Variants in NDUFAF7 observed in about 807,000 individuals in gnomAD.
NDUFAF7 encodes NADH:ubiquinone oxidoreductase complex assembly factor 7.
In NDUFAF7, 48 loss-of-function variants were observed where a neutral mutation model predicts 47.2. The observed-to-expected ratio is 1.02, with a 90% CI of 0.81 to 1.29. The LOEUF is 1.29. Among genes scored for constraint, NDUFAF7 ranks in the 50% most tolerant of loss-of-function variants. The pLI, the probability that NDUFAF7 is intolerant of heterozygous loss-of-function variation, is 0.00. For missense variants in NDUFAF7, 635 were observed against 537.6 expected (o/e 1.18, Z -1.79); for synonymous variants, 217 against 190.0 (o/e 1.14, Z -1.17).
At chr2:37,244,208 G>A (rs1247175141) in intron 7 of NDUFAF7, among the ~76,000 whole-genome samples, 1 of 152,070 alleles carries the variant, frequency 6.6e-6, no homozygotes, top group Admixed American at 6.6e-5. Flanking sequence ...GTAAGTAACC[G>A]CTTACTCAGC....
chr2:37,264,515 G>T, the NDUFAF7 span, among the ~76,000 whole-genome samples: 1 of 149,132 alleles, frequency 6.7e-6, no homozygotes, highest in South Asian at 2.2e-4. Context: ...TAAGGTAGGG[G>T]AGTGGAGGGG....
chr2:37,268,276 A>G, the NDUFAF7 span: 1 of 469,498 alleles, frequency 2.1e-6, no homozygotes, highest in Non-Finnish European at 4.4e-6. Context: ...AAATGTGTGC[A>G]TTTTTGGTAA....
At chr2:37,265,014 C>T in the NDUFAF7 span, among the ~76,000 whole-genome samples, 8 of 152,024 alleles carry the variant, frequency 5.3e-5, no homozygotes, top group African/African-American at 7.3e-5. Context: ...TAATAATATG[C>T]GCAATCTTCA....
chr2:37,235,646 ATTTATTTAT>A (rs1665674370), intron 2 of NDUFAF7, among the ~76,000 whole-genome samples: 1 of 60,704 alleles, frequency 1.6e-5, no homozygotes, highest in South Asian at 3.7e-4. Context: ...TTGCTTATTT[ATTTATTTAT>A]TTATTTATTT....
At chr2:37,261,938 C>G in the NDUFAF7 span, among the ~76,000 whole-genome samples, 2 of 151,968 alleles carry the variant, frequency 1.3e-5, no homozygotes, top group African/African-American at 2.4e-5. Context: ...TCATAAATTA[C>G]ATAAGATATT....
downstream of NDUFAF7, chr2:37,251,646 G>A (rs1410762530): frequency 6.6e-6 from 1 of 151,422 alleles, no homozygotes; most frequent in Non-Finnish European, 1.5e-5. Context: ...CAAATTCGGT[G>A]GGCAACGATA....
At chr2:37,269,858 G>T in the NDUFAF7 span, among the ~76,000 whole-genome samples, 4 of 152,186 alleles carry the variant, frequency 2.6e-5, no homozygotes, top group African/African-American at 9.7e-5. Flanking sequence ...CTAATAAGAG[G>T]TTAAGCCCAA....
chr2:37,259,543 G>A, the NDUFAF7 span: 3 of 1,475,778 alleles, frequency 2.0e-6, no homozygotes, highest in Non-Finnish European at 9.4e-7. Flanking sequence ...CTTTGAAAAT[G>A]TTGCCAGAAT....
rs1339913171 is a variant in NDUFAF7 at position 37,248,333 on chromosome 2, G to A, written c.1309G>A (p.Glu437Lys). 3 of 1,613,932 alleles carry A rather than the reference G, an allele frequency of 1.9e-6. No homozygotes were observed. The highest frequency in any genetic ancestry group is 2.5e-6 in the Non-Finnish European group (3 of 1,179,824). The change falls in exon 10 of 10, where the codon GAA (glutamate) becomes AAA (lysine). Residue 437 changes from glutamate to lysine, a missense_variant. Coordinates refer to ENST00000002125, the MANE Select transcript of NDUFAF7 (RefSeq NM_144736.5). Reference sequence around the variant, plus strand: ...TGCATCCGTTGTAGCTGGGTTTAGTGAACTTGCTTGGCAGTGATATTTCAG... The same window carrying A: ...TGCATCCGTTGTAGCTGGGTTTAGTAAACTTGCTTGGCAGTGATATTTCAG... Reference protein sequence around the residue: ...PFASVVAGFSELAWQ With the variant: ...PFASVVAGFSKLAWQ
downstream of NDUFAF7, chr2:37,250,532 T>A (rs1185275966): frequency 1.1e-4 from 17 of 152,194 alleles, no homozygotes; most frequent in Admixed American, 1.1e-3. Flanking sequence ...TGAGCTTTTT[T>A]TTATTTTTGG....
downstream of NDUFAF7, among the ~76,000 whole-genome samples, chr2:37,258,238 T>C (rs1668132587): frequency 6.6e-6 from 1 of 152,254 alleles, no homozygotes; most frequent in African/African-American, 2.4e-5. Context: ...ATTTCTGGGA[T>C]GGTGGACTCT....
chr2:37,254,423 T>A, downstream of NDUFAF7: 2 of 646,584 alleles, frequency 3.1e-6, no homozygotes, highest in Non-Finnish European at 5.6e-6. Flanking sequence ...ACGTGGACTT[T>A]TAGCTAACAT....
chr2:37,247,849 A>C (rs1318125298), intron 9 of NDUFAF7, among the ~76,000 whole-genome samples: 1 of 152,192 alleles, frequency 6.6e-6, no homozygotes, highest in Non-Finnish European at 1.5e-5. Context: ...TTGTTTGTTA[A>C]GAAAACTGCG....
downstream of NDUFAF7, among the ~76,000 whole-genome samples, chr2:37,255,165 C>T (rs1272734567): frequency 2.0e-5 from 3 of 152,288 alleles, no homozygotes; most frequent in South Asian, 2.1e-4. Flanking sequence ...CACTGGTTAA[C>T]ATCAAAAAAC....
chr2:37,240,930 A>G (rs1356856388), intron 4 of NDUFAF7, among the ~76,000 whole-genome samples: 2 of 152,230 alleles, frequency 1.3e-5, no homozygotes, highest in African/African-American at 4.8e-5. Flanking sequence ...GTGCATATTC[A>G]TATCTCAAAA....
intron 2 of NDUFAF7, among the ~76,000 whole-genome samples, chr2:37,233,086 G>T (rs1665355805): frequency 6.6e-6 from 1 of 152,180 alleles, no homozygotes; most frequent in African/African-American, 2.4e-5. Context: ...AAATAGAAGA[G>T]GGTGATTTAG....
rs1170643170 is a variant in NDUFAF7 at position 37,247,825 on chromosome 2, TC to T, written c.1110+198del. Among the ~76,000 whole-genome samples the T allele has an allele frequency of 6.6e-5, 10 of 152,310 alleles. No individual in the cohort carries two copies. In the South Asian group the frequency reaches 1.9e-3, roughly 28 times the overall value. On this transcript the variant is annotated intron_variant, in intron 9 of 9. Coordinates refer to ENST00000002125, the MANE Select transcript of NDUFAF7 (RefSeq NM_144736.5). ...CTCCATGGGAGGTAGCATTAAGACT[TC>T]CAAATAGTGTTTTTGTTTGTTAAGA... is the stretch of plus-strand genomic sequence containing the variant.
chr2:37,236,603 A>C (rs187227053), intron 3 of NDUFAF7, among the ~76,000 whole-genome samples: 1,653 of 151,900 alleles, frequency 0.011, 9 homozygotes, highest in Non-Finnish European at 0.018. Flanking sequence ...GGTGAAACGC[A>C]GTCTCTACTA....
At chr2:37,235,720 T>C (rs1665684281) in intron 2 of NDUFAF7, among the ~76,000 whole-genome samples, 1 of 152,082 alleles carries the variant, frequency 6.6e-6, no homozygotes, top group African/African-American at 2.4e-5. Flanking sequence ...AGTGGCGCGA[T>C]CTCGGCTTAC....
Sources: allele counts gnomAD v4.1 joint callset (sites outside exome capture counted in the v4.1 genomes callset), GRCh38; gene constraint gnomAD v4.1.1; transcripts MANE v1.5; gene names NCBI Gene and HGNC (gene_info 2026-07-23, HGNC 2026-07-21).